ZCCHC14: variants seen among roughly 807,000 people sequenced by gnomAD.
ZCCHC14 encodes the protein zinc finger CCHC-type containing 14.
A neutral mutation model predicts 85.0 loss-of-function variants in ZCCHC14; 16 were observed. That is an observed-to-expected ratio of 0.19 (90% CI 0.13 to 0.29). The LOEUF (loss-of-function observed/expected upper bound fraction) is 0.29, where lower values mean the gene tolerates loss of function less well. ZCCHC14 is among the 10% of genes least tolerant of loss of function. The probability of loss-of-function intolerance (pLI) is 1.00; values close to 1 mark genes in which losing one functional copy is unlikely to be tolerated. For synonymous variants in ZCCHC14, 775 were observed against 630.7 expected, an observed-to-expected ratio of 1.23 and a Z score of -3.43; for missense variants, 1,303 against 1,443.5, an observed-to-expected ratio of 0.90 and a Z score of 1.58.
At chr16:87,448,889 C>T (rs556428648) in intron 2 of ZCCHC14, among the ~76,000 whole-genome samples, 30 of 152,114 alleles carry the variant, frequency 2.0e-4, no homozygotes, top group Non-Finnish European at 3.1e-4. Flanking sequence ...AGCTGGCTTA[C>T]GGTAGTGTAG....
chr16:87,413,334 C>T (rs1908586288), intron 10 of ZCCHC14, 139 bp from the exon 11 acceptor site: 8 of 1,240,838 alleles, frequency 6.4e-6, no homozygotes, highest in South Asian at 1.6e-5. Context: ...ACGAACACGC[C>T]GGCCCAGGCC....
chr16:87,459,981 C>G lies in ZCCHC14; in HGVS notation c.694+27G>C, dbSNP rs771745689. On this transcript the variant is annotated intron_variant, in intron 2 of 12. Coordinates refer to ENST00000671377, the MANE Select transcript of ZCCHC14 (RefSeq NM_015144.3). Reference sequence around the variant, plus strand: ...TGCCCATCCTCCGTCCGTCAGACGTCCTCCTGAAACCCGTGCGTGCACTCA... The same window carrying G: ...TGCCCATCCTCCGTCCGTCAGACGTGCTCCTGAAACCCGTGCGTGCACTCA... 5 of 1,613,832 alleles carry G rather than the reference C, an allele frequency of 3.1e-6. No individual in the cohort carries two copies. In the Admixed American group the frequency reaches 8.3e-5, roughly 27 times the overall value.
intron 1 of ZCCHC14, among the ~76,000 whole-genome samples, chr16:87,476,692 A>C (rs1489852043): frequency 1.5e-5 from 2 of 137,268 alleles, no homozygotes; most frequent in African/African-American, 5.5e-5. Flanking sequence ...TCAATGGTGG[A>C]AAAGAAACAG....
chr16:87,489,850 C>A (rs1214692085), intron 1 of ZCCHC14, among the ~76,000 whole-genome samples: 1 of 152,214 alleles, frequency 6.6e-6, no homozygotes, highest in Non-Finnish European at 1.5e-5. Flanking sequence ...AAGTGAGGCA[C>A]CCGTGCTCAC....
chr16:87,467,771 C>G (rs976888100), intron 1 of ZCCHC14: 1 of 509,300 alleles, frequency 2.0e-6, no homozygotes, highest in African/African-American at 1.9e-5. Flanking sequence ...CCTGCCTCAG[C>G]TTCTCAAGTA....
intron 2 of ZCCHC14, among the ~76,000 whole-genome samples, chr16:87,459,503 C>A (rs1490643578): frequency 6.7e-6 from 1 of 148,694 alleles, no homozygotes; most frequent in Non-Finnish European, 1.5e-5. Flanking sequence ...CACCACCAGG[C>A]CTGGCTAATT....
intron 8 of ZCCHC14, among the ~76,000 whole-genome samples, chr16:87,415,826 CA>C (rs1185850300): frequency 6.6e-6 from 1 of 152,250 alleles, no homozygotes; most frequent in Non-Finnish European, 1.5e-5. Flanking sequence ...ACGGCCCCAT[CA>C]CAGTGCCATC....
At chr16:87,470,683 T>A (rs918008907) in intron 1 of ZCCHC14, 3 of 152,244 alleles carry the variant, frequency 2.0e-5, no homozygotes, top group Admixed American at 2.0e-4. Context: ...AGCAACAGAT[T>A]ACTATTGAAA....
rs1908230929 is a variant in ZCCHC14, at chr16:87,406,992, C to T, written c.*3288G>A. The T allele has an allele frequency of 6.6e-6, 1 of 152,182 alleles. No homozygotes were observed. Among genetic ancestry groups the T allele is most frequent in the Admixed American group, 6.6e-5 (1 of 15,264 alleles). 9.4% of individuals were successfully genotyped at this position (152,182 alleles called of 1,614,324 possible). A position where few individuals can be genotyped will look rare whatever the true frequency, so the allele number is the denominator to read the frequency against. ...GACCATCAGTCATCATGATGTACAA[C>T]GAGCAAGGCATAAAATAAAACACTG... On this transcript the variant is annotated 3_prime_UTR_variant, in exon 13 of 13. Coordinates refer to ENST00000671377, the MANE Select transcript of ZCCHC14 (RefSeq NM_015144.3).
rs1382968418 is a variant in ZCCHC14, at chr16:87,423,889, A to G, written c.769-8T>C. 6.2e-7 allele frequency: 1 copy of G among 1,609,970 alleles called. No homozygotes were observed. On this transcript the variant is annotated splice_region_variant and splice_polypyrimidine_tract_variant and intron_variant, in intron 3 of 12. Transcript: ENST00000671377. ...AGAATCAGACCACAAGACCTTAAAAACAAACAAACAAACAAACCTTAGAAA... is the reference window on the plus strand; with the variant it reads ...AGAATCAGACCACAAGACCTTAAAAGCAAACAAACAAACAAACCTTAGAAA...
rs1420435739 is a variant in ZCCHC14 at position 87,493,019 on chromosome 16, A to C, written c.-781T>G. Among the ~76,000 whole-genome samples, 1 of 151,922 alleles carries C rather than the reference A, an allele frequency of 6.6e-6. No homozygotes were observed. Among genetic ancestry groups the C allele is most frequent in the African/African-American group, 2.4e-5 (1 of 41,428 alleles). On this transcript the variant is annotated 5_prime_UTR_variant, in exon 1 of 13. Transcript: ENST00000671377. ...CGGCTGACGGGCGGCCGGGATCAGC[A>C]GAAGTGGGCGGGGTGGCCGCCTCTC...
At chr16:87,427,054 G>A (rs144948753) in intron 3 of ZCCHC14, among the ~76,000 whole-genome samples, 85 of 152,354 alleles carry the variant, frequency 5.6e-4, no homozygotes, top group African/African-American at 1.8e-3. Flanking sequence ...GGGAAGATGT[G>A]GGGGAAGGAG....
Position 87,441,243 on chromosome 16 carries a change from C to T in ZCCHC14, c.695-8042G>A, listed in dbSNP as rs146397432. On this transcript the variant is annotated intron_variant, in intron 2 of 12. Coordinates refer to ENST00000671377, the MANE Select transcript of ZCCHC14 (RefSeq NM_015144.3). ...TCCCGACCTCGTGATCCGCCCGCCT[C>T]GGCCTCCCAAAGTGCTGGGATTACA... Among the ~76,000 whole-genome samples the T allele has an allele frequency of 3.8e-3, 575 of 152,004 alleles. 5 individuals are homozygous for T. The highest frequency in any genetic ancestry group is 0.013 in the African/African-American group (548 of 41,478).
At chr16:87,430,677 G>A (rs145360858) in intron 3 of ZCCHC14, among the ~76,000 whole-genome samples, 2,423 of 151,986 alleles carry the variant, frequency 0.016, 69 homozygotes, top group African/African-American at 0.053. Flanking sequence ...GCCCGCCACC[G>A]CGCCCGGCTA....
At chr16:87,434,730 G>A (rs138786977) in intron 2 of ZCCHC14, among the ~76,000 whole-genome samples, 1,764 of 152,258 alleles carry the variant, frequency 0.012, 22 homozygotes, top group Non-Finnish European at 0.017. Flanking sequence ...AGTGGCTCAC[G>A]CCTGGTATCC....
At position 87,412,023 on chromosome 16, in the gene ZCCHC14, G is replaced by A. The variant is rs1317377528; in HGVS notation, c.2698C>T (p.His900Tyr). The change falls in exon 12 of 13, where the codon CAC (histidine) becomes TAC (tyrosine). Residue 900 changes from histidine (H) to tyrosine (Y), a missense_variant. Physicochemically the swap from His to Tyr is moderately conservative, Grantham distance 83. Transcript: ENST00000671377. ...TGNIPASNPN[H>Y]HHHHHHQQPP... Reference sequence around the variant, plus strand: ...TGCTGATGGTGGTGGTGGTGGTGGTGGTTCGGATTCGAGGCAGGAATGTTT... The same window carrying A: ...TGCTGATGGTGGTGGTGGTGGTGGTAGTTCGGATTCGAGGCAGGAATGTTT... 1.2e-6 allele frequency: 2 copies of A among 1,609,052 alleles called. No homozygotes were observed. Among genetic ancestry groups the A allele is most frequent in the Non-Finnish European group, 1.7e-6 (2 of 1,179,834 alleles).
chr16:87,411,168 C>T (rs148289241), intron 12 of ZCCHC14, among the ~76,000 whole-genome samples: 134 of 152,330 alleles, frequency 8.8e-4, no homozygotes, highest in African/African-American at 3.1e-3. Context: ...AATGCCGATG[C>T]GCCACAGCCT....
chr16:87,450,232 G>A (rs11117273), intron 2 of ZCCHC14, among the ~76,000 whole-genome samples: 102,706 of 152,098 alleles, frequency 0.68, 38,192 homozygotes, highest in South Asian at 0.88. Flanking sequence ...GGAAAACTGT[G>A]TTCTTAAGAC....
At chr16:87,430,906 G>A (rs975830787) in intron 3 of ZCCHC14, among the ~76,000 whole-genome samples, 13 of 152,126 alleles carry the variant, frequency 8.5e-5, no homozygotes, top group Non-Finnish European at 1.8e-4. Flanking sequence ...TTGGGAGGCT[G>A]AGGCGGGCAG....
Sources: allele counts gnomAD v4.1 joint callset (sites outside exome capture counted in the v4.1 genomes callset), GRCh38; gene constraint gnomAD v4.1.1; transcripts MANE v1.5; gene names NCBI Gene and HGNC (gene_info 2026-07-23, HGNC 2026-07-21).